The following ABCA13 variants were observed in gnomAD, a reference collection of about 807,000 sequenced individuals.
The protein encoded by ABCA13 is ATP binding cassette subfamily A member 13, also known as ATP-binding cassette sub-family A member 13.
ABCA13 carries 476 observed loss-of-function variants against 478.7 expected under a neutral mutation model. The observed-to-expected ratio is 0.99, with a 90% CI of 0.92 to 1.07. The LOEUF is 1.07. ABCA13 is among the 50% of genes least tolerant of loss of function. The pLI is 0.00. For synonymous variants in ABCA13, 2,252 were observed against 2,158.9 expected, an observed-to-expected ratio of 1.04 and a Z score of -1.20; for missense variants, 6,060 against 5,910.6, an observed-to-expected ratio of 1.03 and a Z score of -0.83.
Position 48,410,615 on chromosome 7 carries a change from G to A in ABCA13, c.12166G>A (p.Gly4056Ser), listed in dbSNP as rs141118156. 177 of 1,614,032 alleles carry A rather than the reference G, an allele frequency of 1.1e-4. 1 individual carries two copies. In the East Asian group the frequency reaches 2.0e-3, roughly 18 times the overall value. ...VLQHGRLRCCGPPFCLKEAYG... is the reference protein window; with the variant it reads ...VLQHGRLRCCSPPFCLKEAYG... ...CCAGCATGGGAGGCTCAGGTGCTGC[G>A]GTCCTCCCTTCTGCCTGAAGGAGGC... Residue 4056 changes from glycine to serine, a missense_variant, in exon 40 of 62, where the codon GGT (glycine) becomes AGT (serine). Coordinates refer to ENST00000435803, the MANE Select transcript of ABCA13 (RefSeq NM_152701.5).
intron 3 of ABCA13, among the ~76,000 whole-genome samples, chr7:48,210,640 T>A (rs1450153055): frequency 6.6e-6 from 1 of 152,142 alleles, no homozygotes; most frequent in Non-Finnish European, 1.5e-5. Flanking sequence ...TCTGTGTTTT[T>A]ACAACTTGCA....
chr7:48,288,138 C>A, intron 20 of ABCA13, 60 bp downstream of exon 20: 2 of 1,446,706 alleles, frequency 1.4e-6, no homozygotes, highest in Non-Finnish European at 1.9e-6. Flanking sequence ...CCTTGCAAGG[C>A]AGTCCAGTTA....
At chr7:48,585,981 G>C (rs1789142997) in intron 56 of ABCA13, among the ~76,000 whole-genome samples, 1 of 152,168 alleles carries the variant, frequency 6.6e-6, no homozygotes, top group African/African-American at 2.4e-5. Context: ...AGTGGGAAAT[G>C]CTAAATAAAA....
chr7:48,602,626 G>C (rs1791025414), intron 58 of ABCA13, among the ~76,000 whole-genome samples: 1 of 152,134 alleles, frequency 6.6e-6, no homozygotes, highest in Non-Finnish European at 1.5e-5. Flanking sequence ...TGTTACCATA[G>C]CTTTGTAGTA....
At chr7:48,247,941 A>AG (rs1387178225) in intron 13 of ABCA13, among the ~76,000 whole-genome samples, 1 of 152,186 alleles carries the variant, frequency 6.6e-6, no homozygotes, top group Non-Finnish European at 1.5e-5. Flanking sequence ...TGAGACTCTC[A>AG]GGGGGTCTGG....
rs1024186372 is a variant in ABCA13, at chr7:48,610,356, T to C, written c.14745-4929T>C. The stretch of plus-strand genomic sequence containing the variant: ...GGCCACACTGAAGCAAGGGGTAGAT[T>C]GCAAGGCCTTGAGCAGCTCCGCCCC... On this transcript the variant is annotated intron_variant, in intron 58 of 61. Transcript: ENST00000435803. Among the ~76,000 whole-genome samples the C allele has an allele frequency of 3.3e-5, 5 of 152,328 alleles. No individual in the cohort carries two copies. In the South Asian group the frequency reaches 1.0e-3, roughly 32 times the overall value.
At chr7:48,376,181 G>A (rs1813452043) in intron 34 of ABCA13, among the ~76,000 whole-genome samples, 1 of 152,114 alleles carries the variant, frequency 6.6e-6, no homozygotes, top group Non-Finnish European at 1.5e-5. Context: ...CCAGATATGA[G>A]TAAGGTGACC....
chr7:48,625,691 G>A (rs557520285), intron 59 of ABCA13, among the ~76,000 whole-genome samples: 1 of 152,244 alleles, frequency 6.6e-6, no homozygotes, highest in East Asian at 1.9e-4. Flanking sequence ...TGGACATTTT[G>A]GTTAGCTGCC....
intron 42 of ABCA13, among the ~76,000 whole-genome samples, chr7:48,430,587 T>C (rs1271491094): frequency 5.9e-5 from 9 of 151,614 alleles, no homozygotes; most frequent in Admixed American, 5.9e-4. Flanking sequence ...AGGCAGAGAA[T>C]TGCTTGGACC....
chr7:48,561,368 A>G (rs1585813104), intron 55 of ABCA13, among the ~76,000 whole-genome samples: 1 of 152,068 alleles, frequency 6.6e-6, no homozygotes, highest in East Asian at 1.9e-4. Context: ...TATCAATAGC[A>G]TGTAAGGGTT....
chr7:48,272,104 G>A lies in ABCA13; in HGVS notation c.2438G>A (p.Arg813Lys), dbSNP rs765858798. Residue 813 changes from arginine to lysine, a missense_variant, in exon 17 of 62, where the codon AGG (arginine) becomes AAG (lysine). Arg to Lys is a conservative substitution (Grantham distance 26). Coordinates refer to ENST00000435803, the MANE Select transcript of ABCA13 (RefSeq NM_152701.5). ...KMQTLGSHWI[R>K]KEPKNLLRFI... is the part of the protein sequence containing the mutation. The stretch of plus-strand genomic sequence containing the variant: ...CAGACTCTCGGAAGTCACTGGATAA[G>A]GAAGGAACCAAAAAATCTTTTGAGA... 1.2e-6 allele frequency: 2 copies of A among 1,613,464 alleles called. No individual in the cohort carries two copies. Among genetic ancestry groups the A allele is most frequent in the Non-Finnish European group, 1.7e-6 (2 of 1,179,726 alleles).
intron 15 of ABCA13, among the ~76,000 whole-genome samples, chr7:48,257,622 T>C (rs1793589165): frequency 6.6e-6 from 1 of 152,242 alleles, no homozygotes; most frequent in Non-Finnish European, 1.5e-5. Context: ...TTGTATATGT[T>C]GGACCAAACT....
intron 1 of ABCA13, among the ~76,000 whole-genome samples, chr7:48,175,896 A>G (rs539888586): frequency 6.6e-6 from 1 of 152,248 alleles, no homozygotes; most frequent in Non-Finnish European, 1.5e-5. Context: ...AACAACAACA[A>G]CAACAACAAC....
intron 7 of ABCA13, among the ~76,000 whole-genome samples, chr7:48,232,104 T>C (rs1444020824): frequency 6.8e-6 from 1 of 146,348 alleles, no homozygotes; most frequent in Non-Finnish European, 1.5e-5. Context: ...TTTCTTCTTG[T>C]TGCTTGTGAC....
At chr7:48,642,232 T>C (rs1795148307) in intron 59 of ABCA13, among the ~76,000 whole-genome samples, 1 of 152,160 alleles carries the variant, frequency 6.6e-6, no homozygotes, top group Admixed American at 6.5e-5. Flanking sequence ...AAGGGTGATC[T>C]ATGTCACTGA....
At chr7:48,340,581 T>C (rs1274247167) in intron 29 of ABCA13, among the ~76,000 whole-genome samples, 1 of 152,190 alleles carries the variant, frequency 6.6e-6, no homozygotes, top group East Asian at 1.9e-4. Flanking sequence ...TTATATGTAC[T>C]CATATGAAGA....
chr7:48,370,948 G>A (rs915420481), intron 32 of ABCA13, among the ~76,000 whole-genome samples: 2 of 152,168 alleles, frequency 1.3e-5, no homozygotes, highest in South Asian at 2.1e-4. Context: ...CTTGAGTTAA[G>A]TTTTATATAA....
chr7:48,291,724 T>A (rs573207957), intron 20 of ABCA13, among the ~76,000 whole-genome samples: 1 of 152,214 alleles, frequency 6.6e-6, no homozygotes, highest in East Asian at 1.9e-4. Flanking sequence ...ACTCACAACT[T>A]TGTTACGTAA....
chr7:48,391,945 T>C lies in ABCA13; in HGVS notation c.11679T>C (p.Pro3893=). ...GATCCATGTTGACGGGGCTCCACCC[T>C]CCCACTTCTGGAACCATCATCATCA... The part of the protein sequence containing the change: ...TIISMLTGLH[P]PTSGTIIING... The change falls in exon 38 of 62, where the codon CCT becomes CCC. Residue 3893 remains proline (P), a synonymous_variant. Transcript: ENST00000435803. 4.3e-6 allele frequency: 7 copies of C among 1,613,898 alleles called. No individual in the cohort carries two copies. The highest frequency in any genetic ancestry group is 2.7e-5 in the African/African-American group (2 of 75,036).
Sources: gnomAD v4.1 joint callset for allele counts (sites outside exome capture counted in the v4.1 genomes callset) on GRCh38, gnomAD v4.1.1 for gene constraint, MANE v1.5 for transcripts, NCBI Gene and HGNC (gene_info 2026-07-23, HGNC 2026-07-21) for gene names.